The following DGKB variants were observed in gnomAD, a reference collection of about 807,000 sequenced individuals.
DGKB encodes diacylglycerol kinase beta.
A neutral mutation model predicts 114.3 loss-of-function variants in DGKB; 67 were observed. That is an observed-to-expected ratio of 0.59 (90% CI 0.48 to 0.72). The LOEUF (loss-of-function observed/expected upper bound fraction) is 0.72. Ranked by LOEUF, DGKB falls within the 30% of genes least tolerant of loss-of-function variation. DGKB has a pLI of 0.00. For synonymous variants in DGKB, 398 were observed against 323.1 expected, an observed-to-expected ratio of 1.23 and a Z score of -2.49; for missense variants, 907 against 975.2, an observed-to-expected ratio of 0.93 and a Z score of 0.93.
intron 23 of DGKB, among the ~76,000 whole-genome samples, chr7:14,194,689 A>G (rs10240641): frequency 0.5 from 75,606 of 151,904 alleles, 20,886 homozygotes; most frequent in African/African-American, 0.75. Flanking sequence ...GTACACAGAA[A>G]TACATATATA....
chr7:14,781,824 T>C (rs1424505071), intron 2 of DGKB, among the ~76,000 whole-genome samples: 2 of 152,138 alleles, frequency 1.3e-5, no homozygotes, highest in Non-Finnish European at 1.5e-5. Flanking sequence ...ATCCTTACAA[T>C]CCTTTTGAAT....
intron 20 of DGKB, among the ~76,000 whole-genome samples, chr7:14,560,608 T>C (rs961197466): frequency 3.9e-5 from 6 of 152,198 alleles, no homozygotes; most frequent in Admixed American, 3.3e-4. Flanking sequence ...CATTCATCTG[T>C]GGTTGAGCAG....
intron 25 of DGKB, among the ~76,000 whole-genome samples, chr7:14,173,810 T>G (rs1781351846): frequency 6.6e-6 from 1 of 152,114 alleles, no homozygotes; most frequent in African/African-American, 2.4e-5. Context: ...TAATGAGCCA[T>G]AGTCTACTAT....
chr7:14,478,025 TACAC>T (rs3839747), intron 21 of DGKB, 132 bp downstream of exon 21: 72 of 404,116 alleles, frequency 1.8e-4, no homozygotes, highest in Admixed American at 2.2e-4. Context: ...TCTTAATATT[TACAC>T]ACACACACAC....
intron 1 of DGKB, among the ~76,000 whole-genome samples, chr7:14,972,671 G>GA (rs35166956): frequency 7.2e-4 from 101 of 140,852 alleles, no homozygotes; most frequent in Non-Finnish European, 8.9e-4. Flanking sequence ...AAAGATTGTT[G>GA]AAAAAAAAAA....
Position 14,651,265 on chromosome 7 carries a change from C to A in DGKB, c.1135-20997G>T, listed in dbSNP as rs926750360. ...AAATCCTCAATAAAATACTGGCAAA[C>A]CGAATCCAGCAGCACATCAAAAAGC... is the stretch of plus-strand genomic sequence containing the variant. On this transcript the variant is annotated intron_variant, in intron 13 of 25. Coordinates refer to ENST00000402815, the MANE Select transcript of DGKB (RefSeq NM_001350709.2). Among the ~76,000 whole-genome samples the A allele has an allele frequency of 2.1e-3, 326 of 152,202 alleles. 1 individual carries two copies. The highest frequency in any genetic ancestry group is 7.6e-3 in the African/African-American group (317 of 41,508).
chr7:14,942,228 G>C (rs1405364395), intron 1 of DGKB, among the ~76,000 whole-genome samples: 1 of 151,668 alleles, frequency 6.6e-6, no homozygotes, highest in East Asian at 1.9e-4. Context: ...TATTGCTAAT[G>C]ACTAATTTAC....
At chr7:14,776,372 G>T (rs1459145727) in intron 2 of DGKB, among the ~76,000 whole-genome samples, 1 of 152,210 alleles carries the variant, frequency 6.6e-6, no homozygotes, top group Non-Finnish European at 1.5e-5. Flanking sequence ...TGGGGAAAAT[G>T]ACTCCAGGGT....
chr7:14,973,509 T>C (rs1157172298), intron 1 of DGKB, among the ~76,000 whole-genome samples: 1 of 134,048 alleles, frequency 7.5e-6, no homozygotes, highest in Non-Finnish European at 1.7e-5. Context: ...TTTTGTTTTG[T>C]TTGTTTTTTG....
chr7:14,653,982 G>A lies in DGKB; in HGVS notation c.1134+18947C>T, dbSNP rs577659075. 2.0e-5 allele frequency among the ~76,000 whole-genome samples: 3 copies of A among 152,160 alleles called. No homozygotes were observed. In the East Asian group the frequency reaches 5.8e-4, roughly 29 times the overall value. The stretch of plus-strand genomic sequence containing the variant: ...TTCTACAAGAACTGGAATAGGACAA[G>A]TATGCCTACTTTTACCACTCTTATT... On this transcript the variant is annotated intron_variant, in intron 13 of 25. Transcript: ENST00000402815.
At position 14,902,699 on chromosome 7, in the gene DGKB, C is replaced by G. The variant is rs995569393; in HGVS notation, c.-295G>C. ...TTCTCAGGATCCTTTCCAATTCACA[C>G]GCTCCCGGCACAGTAAGAAGGCTCC... On this transcript the variant is annotated 5_prime_UTR_variant, in exon 1 of 26. Coordinates refer to ENST00000402815, the MANE Select transcript of DGKB (RefSeq NM_001350709.2). The G allele has an allele frequency of 3.3e-5, 5 of 152,202 alleles. No homozygotes were observed. Among genetic ancestry groups the G allele is most frequent in the African/African-American group, 1.2e-4 (5 of 41,412 alleles). 9.4% of individuals were successfully genotyped at this position (152,202 alleles called of 1,614,324 possible). A position where few individuals can be genotyped will look rare whatever the true frequency, so the allele number is the denominator to read the frequency against.
chr7:14,398,194 G>A (rs1822538073), intron 21 of DGKB, among the ~76,000 whole-genome samples: 1 of 152,042 alleles, frequency 6.6e-6, no homozygotes, highest in African/African-American at 2.4e-5. Context: ...AGAGAATAAA[G>A]ATAGGAAAAA....
intron 1 of DGKB, among the ~76,000 whole-genome samples, chr7:14,922,199 G>C (rs374034624): frequency 2.0e-5 from 3 of 152,002 alleles, no homozygotes; most frequent in African/African-American, 7.2e-5. Flanking sequence ...CATGACCAAA[G>C]CAGATAATTA....
chr7:14,651,650 GC>G (rs1328746302), intron 13 of DGKB, among the ~76,000 whole-genome samples: 2 of 146,012 alleles, frequency 1.4e-5, no homozygotes, highest in East Asian at 4.0e-4. Flanking sequence ...TCTGGCCAGG[GC>G]AATTAGGCAG....
chr7:14,677,310 G>T (rs1161559548), intron 12 of DGKB, among the ~76,000 whole-genome samples: 3 of 151,860 alleles, frequency 2.0e-5, no homozygotes, highest in Admixed American at 6.6e-5. Context: ...AATAAGAAGA[G>T]AAATAAGCTA....
chr7:14,472,883 G>A (rs1781621591), intron 21 of DGKB, among the ~76,000 whole-genome samples: 2 of 152,134 alleles, frequency 1.3e-5, no homozygotes, highest in South Asian at 4.1e-4. Flanking sequence ...GTATCTGGAG[G>A]AAGAAATTTC....
chr7:14,599,783 C>G (rs1230704540), intron 17 of DGKB, among the ~76,000 whole-genome samples: 1 of 152,142 alleles, frequency 6.6e-6, no homozygotes, highest in Non-Finnish European at 1.5e-5. Context: ...ACCAATTCAT[C>G]TGCTATGGGT....
At chr7:14,926,879 G>T (rs901921808) in intron 1 of DGKB, among the ~76,000 whole-genome samples, 4 of 151,874 alleles carry the variant, frequency 2.6e-5, no homozygotes, top group African/African-American at 7.3e-5. Flanking sequence ...TTGATGCTTT[G>T]CTGAATGTGG....
rs572375551 is a variant in DGKB at position 14,169,227 on chromosome 7, T to A, written c.2304+7612A>T. The stretch of plus-strand genomic sequence containing the variant: ...TAAAAAAAAAAAAATTAGCCAGGTG[T>A]GGTGGCGGGCGCCTGTAGTCCCAGC... On this transcript the variant is annotated intron_variant, in intron 25 of 25. Transcript: ENST00000402815. Among the ~76,000 whole-genome samples the A allele has an allele frequency of 2.7e-4, 40 of 148,634 alleles. No individual in the cohort carries two copies. The South Asian group carries it at 8.2e-3, about 31-fold the overall frequency.
Sources: allele counts gnomAD v4.1 joint callset (sites outside exome capture counted in the v4.1 genomes callset), GRCh38; gene constraint gnomAD v4.1.1; transcripts MANE v1.5; gene names NCBI Gene and HGNC (gene_info 2026-07-23, HGNC 2026-07-21).